Variants in XKR9 observed in about 807,000 individuals in gnomAD.
XKR9 encodes XK-related protein 9.
In XKR9, 32 loss-of-function variants were observed where a neutral mutation model predicts 32.0. The observed-to-expected ratio is 1.00, with a 90% CI of 0.76 to 1.34. The LOEUF is 1.34. Ranked by LOEUF, XKR9 falls within the 40% of genes most tolerant of loss-of-function variation. The probability of loss-of-function intolerance (pLI) is 0.00; values close to 1 mark genes in which losing one functional copy is unlikely to be tolerated. For missense variants in XKR9, 546 were observed against 429.7 expected, an observed-to-expected ratio of 1.27 and a Z score of -2.39; for synonymous variants, 168 against 143.4, an observed-to-expected ratio of 1.17 and a Z score of -1.22.
chr8:70,976,634 G>C, the XKR9 span, among the ~76,000 whole-genome samples: 2 of 152,128 alleles, frequency 1.3e-5, no homozygotes, highest in Admixed American at 6.5e-5. Context: ...TTTTATGGAG[G>C]ATTTTTCACA....
At chr8:70,750,320 T>TAG (rs1807121099) in intron 2 of XKR9, among the ~76,000 whole-genome samples, 1 of 152,208 alleles carries the variant, frequency 6.6e-6, no homozygotes, top group East Asian at 1.9e-4. Context: ...TCTGAGCTCC[T>TAG]AGAGAAGTGA....
intron 1 of XKR9, among the ~76,000 whole-genome samples, chr8:70,673,061 T>C (rs1818769748): frequency 6.6e-6 from 1 of 152,218 alleles, no homozygotes. Flanking sequence ...AACTTTTTCA[T>C]TTAATATAGT....
the XKR9 span, among the ~76,000 whole-genome samples, chr8:70,925,701 A>C: frequency 0.12 from 17,900 of 152,250 alleles, 1,275 homozygotes; most frequent in African/African-American, 0.2. Context: ...AACAAAGCCA[A>C]CTGCAAGAAC....
the XKR9 span, among the ~76,000 whole-genome samples, chr8:70,962,483 A>C: frequency 2.6e-5 from 4 of 152,294 alleles, no homozygotes; most frequent in South Asian, 4.1e-4. Context: ...TTCCTGCATT[A>C]ATTCACTTAG....
chr8:70,689,609 A>G (rs1194390120), intron 3 of XKR9, among the ~76,000 whole-genome samples: 1 of 151,760 alleles, frequency 6.6e-6, no homozygotes, highest in Non-Finnish European at 1.5e-5. Flanking sequence ...CATTGTTTGT[A>G]ATAGAAAAAT....
At chr8:70,778,763 G>T (rs540804959) in intron 2 of XKR9, among the ~76,000 whole-genome samples, 1 of 152,142 alleles carries the variant, frequency 6.6e-6, no homozygotes, top group African/African-American at 2.4e-5. Context: ...TGTTATTGGT[G>T]TATAGGGATG....
chr8:70,882,970 C>A, the XKR9 span, among the ~76,000 whole-genome samples: 23 of 150,646 alleles, frequency 1.5e-4, no homozygotes, highest in Non-Finnish European at 3.1e-4. Context: ...TCTTTTATTT[C>A]TTCTATGTTG....
chr8:70,694,997 T>G (rs1405516387), intron 3 of XKR9, among the ~76,000 whole-genome samples: 1 of 152,158 alleles, frequency 6.6e-6, no homozygotes, highest in African/African-American at 2.4e-5. Context: ...AGATCTGACC[T>G]GAGGGTTGCA....
the XKR9 span, among the ~76,000 whole-genome samples, chr8:70,801,214 G>A: frequency 1.3e-5 from 2 of 151,876 alleles, no homozygotes; most frequent in Admixed American, 6.5e-5. Flanking sequence ...CTTTGGAGTT[G>A]GTTTCCTCTT....
chr8:70,677,869 C>G (rs1818934079), intron 2 of XKR9, among the ~76,000 whole-genome samples: 1 of 152,212 alleles, frequency 6.6e-6, no homozygotes, highest in Non-Finnish European at 1.5e-5. Context: ...TTACTACCAT[C>G]TATTCTTCTC....
the XKR9 span, among the ~76,000 whole-genome samples, chr8:70,843,184 G>C: frequency 6.6e-6 from 1 of 152,048 alleles, no homozygotes; most frequent in South Asian, 2.1e-4. Context: ...CATGTAACCT[G>C]GATTTGGTAT....
the XKR9 span, among the ~76,000 whole-genome samples, chr8:70,828,165 G>A: frequency 2.6e-5 from 4 of 152,164 alleles, no homozygotes; most frequent in Non-Finnish European, 5.9e-5. Flanking sequence ...TAGTTTCATG[G>A]AAAATTTTGA....
chr8:70,964,405 C>T, the XKR9 span, among the ~76,000 whole-genome samples: 1 of 152,108 alleles, frequency 6.6e-6, no homozygotes, highest in Non-Finnish European at 1.5e-5. Context: ...AGCATGATGA[C>T]TCCAGCTTTG....
the XKR9 span, among the ~76,000 whole-genome samples, chr8:70,883,726 A>G: frequency 6.6e-6 from 1 of 152,066 alleles, no homozygotes; most frequent in African/African-American, 2.4e-5. Context: ...CCTAGTTTTA[A>G]TTGCTGAATA....
chr8:71,051,734 C>T, the XKR9 span, among the ~76,000 whole-genome samples: 11 of 151,998 alleles, frequency 7.2e-5, no homozygotes, highest in Non-Finnish European at 1.3e-4. Flanking sequence ...ATTACAAAGG[C>T]GATAATAGAA....
At chr8:70,947,814 A>G in the XKR9 span, among the ~76,000 whole-genome samples, 1 of 152,236 alleles carries the variant, frequency 6.6e-6, no homozygotes, top group African/African-American at 2.4e-5. Context: ...GTGTTAAAAT[A>G]ATCACTCCAG....
At chr8:70,926,941 G>A in the XKR9 span, among the ~76,000 whole-genome samples, 1 of 151,966 alleles carries the variant, frequency 6.6e-6, no homozygotes, top group African/African-American at 2.4e-5. Context: ...TGAAAACCAA[G>A]AGCTTCTACC....
At chr8:70,772,466 G>T (rs897110553) in intron 2 of XKR9, among the ~76,000 whole-genome samples, 9 of 152,168 alleles carry the variant, frequency 5.9e-5, no homozygotes, top group Admixed American at 3.9e-4. Flanking sequence ...GAGCAGTTGG[G>T]GGAGAAGTAG....
the XKR9 span, among the ~76,000 whole-genome samples, chr8:70,952,819 G>C: frequency 2.0e-5 from 3 of 152,204 alleles, no homozygotes; most frequent in Non-Finnish European, 4.4e-5. Flanking sequence ...AGAGCTGTAG[G>C]CACCACTAAC....
Sources: allele counts gnomAD v4.1 joint callset (sites outside exome capture counted in the v4.1 genomes callset), GRCh38; gene constraint gnomAD v4.1.1; transcripts MANE v1.5; gene names NCBI Gene and HGNC (gene_info 2026-07-23, HGNC 2026-07-21).